Variants in RNLS observed in about 807,000 individuals in gnomAD.
RNLS encodes the protein renalase, FAD dependent amine oxidase.
Under a neutral mutation model 39.8 loss-of-function variants are expected in RNLS, and 39 were observed. The ratio of observed to expected loss-of-function variants is 0.98; its 90% CI spans 0.76 to 1.28. The LOEUF (loss-of-function observed/expected upper bound fraction) is 1.28. Among genes scored for constraint, RNLS ranks in the 50% most tolerant of loss-of-function variants. The pLI, the probability that RNLS is intolerant of heterozygous loss-of-function variation, is 0.00. For synonymous variants in RNLS, 147 were observed against 150.7 expected (o/e 0.98, Z 0.18); for missense variants, 410 against 413.3 (o/e 0.99, Z 0.07).
At chr10:88,446,041 C>T (rs1394783585) in intron 4 of RNLS, among the ~76,000 whole-genome samples, 4 of 152,126 alleles carry the variant, frequency 2.6e-5, no homozygotes. Flanking sequence ...GCACTTATTC[C>T]AAAATTGACC....
chr10:88,172,459 G>A, the RNLS span, among the ~76,000 whole-genome samples: 1 of 151,938 alleles, frequency 6.6e-6, no homozygotes, highest in Admixed American at 6.6e-5. Context: ...TATACTTGTT[G>A]GCAATTTGTA....
intron 4 of RNLS, among the ~76,000 whole-genome samples, chr10:88,454,774 G>A (rs1356217004): frequency 6.6e-6 from 1 of 152,174 alleles, no homozygotes; most frequent in Non-Finnish European, 1.5e-5. Flanking sequence ...GTTCCAAAGT[G>A]TGGGGATAAA....
chr10:88,574,690 C>T (rs957865156), intron 3 of RNLS, among the ~76,000 whole-genome samples: 1 of 152,164 alleles, frequency 6.6e-6, no homozygotes, highest in Non-Finnish European at 1.5e-5. Context: ...CCCAAGAGAT[C>T]AATCTCTGTT....
intron 4 of RNLS, among the ~76,000 whole-genome samples, chr10:88,497,084 G>A (rs1046214275): frequency 2.6e-5 from 4 of 152,068 alleles, no homozygotes; most frequent in Non-Finnish European, 4.4e-5. Context: ...TAGCATCAGA[G>A]GTAGGGTCAG....
the RNLS span, among the ~76,000 whole-genome samples, chr10:88,215,997 C>T: frequency 6.6e-6 from 1 of 152,174 alleles, no homozygotes; most frequent in South Asian, 2.1e-4. Flanking sequence ...CGTGCCCGGC[C>T]TCATCTGTAA....
At chr10:88,358,346 A>AAG (rs1849361821) in intron 5 of RNLS, among the ~76,000 whole-genome samples, 1 of 152,196 alleles carries the variant, frequency 6.6e-6, no homozygotes, top group African/African-American at 2.4e-5. Flanking sequence ...ATGAAAGGTG[A>AAG]CATCAAGTCA....
At chr10:88,541,156 T>A (rs1848017379) in intron 4 of RNLS, among the ~76,000 whole-genome samples, 1 of 152,204 alleles carries the variant, frequency 6.6e-6, no homozygotes, top group African/African-American at 2.4e-5. Flanking sequence ...TTAAACTTTA[T>A]GAGCAGTTTC....
chr10:88,526,074 C>T (rs1847082982), intron 4 of RNLS, among the ~76,000 whole-genome samples: 1 of 151,916 alleles, frequency 6.6e-6, no homozygotes, highest in South Asian at 2.1e-4. Context: ...TTGTTTAAAC[C>T]TACTTCATCT....
chr10:88,282,080 C>A (rs1589451722), downstream of RNLS, among the ~76,000 whole-genome samples: 1 of 151,998 alleles, frequency 6.6e-6, no homozygotes, highest in African/African-American at 2.4e-5. Flanking sequence ...GCAAGTACCC[C>A]CCAAAGAAGG....
the RNLS span, among the ~76,000 whole-genome samples, chr10:88,192,095 G>C: frequency 6.6e-6 from 1 of 152,148 alleles, no homozygotes; most frequent in East Asian, 1.9e-4. Flanking sequence ...CAACAAAAGA[G>C]ACAGATTATC....
intron 4 of RNLS, among the ~76,000 whole-genome samples, chr10:88,532,555 A>C (rs12360281): frequency 0.2 from 30,648 of 151,992 alleles, 3,451 homozygotes; most frequent in Middle Eastern, 0.31. Context: ...TAAGCTATTC[A>C]CATAAATTCT....
rs929682665 is a variant in RNLS at position 88,529,633 on chromosome 10, A to T, written c.526+43270T>A. ...TAATTACTCATATTTAAAATTCAGGATTAAATGTCTAATTTCTGAAGGTGA... is the reference window on the plus strand; with the variant it reads ...TAATTACTCATATTTAAAATTCAGGTTTAAATGTCTAATTTCTGAAGGTGA... On this transcript the variant is annotated intron_variant, in intron 4 of 6. Coordinates refer to ENST00000331772, the MANE Select transcript of RNLS (RefSeq NM_001031709.3). Among the ~76,000 whole-genome samples, 3 of 152,212 alleles carry T rather than the reference A, an allele frequency of 2.0e-5. No individual in the cohort carries two copies. In the East Asian group the frequency reaches 5.8e-4, roughly 29 times the overall value.
chr10:88,219,710 G>A, the RNLS span, among the ~76,000 whole-genome samples: 5 of 152,112 alleles, frequency 3.3e-5, no homozygotes, highest in Non-Finnish European at 7.4e-5. Context: ...AGTACCAAAA[G>A]GGAGGAATAG....
intron 4 of RNLS, among the ~76,000 whole-genome samples, chr10:88,544,332 T>C (rs1848189365): frequency 6.6e-6 from 1 of 152,212 alleles, no homozygotes; most frequent in South Asian, 2.1e-4. Context: ...AGTTTTTCCC[T>C]ATATGACTGG....
intron 6 of RNLS, among the ~76,000 whole-genome samples, chr10:88,297,432 T>C (rs993462418): frequency 6.6e-6 from 1 of 152,152 alleles, no homozygotes; most frequent in Non-Finnish European, 1.5e-5. Context: ...TGATGGTCAT[T>C]GTCTTTCTGT....
intron 4 of RNLS, among the ~76,000 whole-genome samples, chr10:88,444,183 C>T (rs185875783): frequency 7.2e-5 from 11 of 152,366 alleles, no homozygotes; most frequent in African/African-American, 2.4e-4. Flanking sequence ...TGTTCTGCAG[C>T]CTCTGCTGCT....
intron 4 of RNLS, among the ~76,000 whole-genome samples, chr10:88,433,437 T>C (rs1855258892): frequency 6.6e-6 from 1 of 152,016 alleles, no homozygotes; most frequent in South Asian, 2.1e-4. Flanking sequence ...CACTTAACCT[T>C]TCAGAATATA....
At chr10:88,246,949 C>T in the RNLS span, among the ~76,000 whole-genome samples, 8 of 152,206 alleles carry the variant, frequency 5.3e-5, no homozygotes, top group South Asian at 6.2e-4. Context: ...TTTTTCTAGC[C>T]GTATGGTAAT....
intron 4 of RNLS, among the ~76,000 whole-genome samples, chr10:88,432,080 T>C (rs571836531): frequency 1.3e-5 from 2 of 151,916 alleles, no homozygotes; most frequent in Admixed American, 1.3e-4. Context: ...GTGGATTTTG[T>C]CTACTTCTTC....
Sources: gnomAD v4.1 joint callset for allele counts (sites outside exome capture counted in the v4.1 genomes callset) on GRCh38, gnomAD v4.1.1 for gene constraint, MANE v1.5 for transcripts, NCBI Gene and HGNC (gene_info 2026-07-23, HGNC 2026-07-21) for gene names.